The following SYTL4 variants were observed in gnomAD, a reference collection of about 807,000 sequenced individuals.
SYTL4 encodes the protein synaptotagmin like 4.
A neutral mutation model predicts 52.7 loss-of-function variants in SYTL4; 16 were observed. The observed-to-expected ratio is 0.30, with a 90% confidence interval of 0.21 to 0.46. The LOEUF (loss-of-function observed/expected upper bound fraction) is 0.46, where lower values mean the gene tolerates loss of function less well. Among genes scored for constraint, SYTL4 ranks in the 20% least tolerant of loss-of-function variants. The pLI is 1.00. For synonymous variants in SYTL4, 160 were observed against 186.6 expected (o/e 0.86, Z 1.16); for missense variants, 423 against 519.9 (o/e 0.81, Z 1.81).
At chrX:100,703,544 G>C (rs2083898695) in intron 3 of SYTL4, among the ~76,000 whole-genome samples, 2 of 111,677 alleles carry the variant, frequency 1.8e-5, no homozygotes, top group South Asian at 7.5e-4. Flanking sequence ...CAAATCAGAG[G>C]ACAATTTGGT....
intron 17 of SYTL4, among the ~76,000 whole-genome samples, chrX:100,680,152 T>C (rs1787649150): frequency 9.0e-6 from 1 of 111,724 alleles, no homozygotes; most frequent in East Asian, 2.8e-4. Context: ...ATTGGCCATG[T>C]CTTCTCAGAC....
intron 2 of SYTL4, 56 bp from the exon 3 acceptor site, chrX:100,704,942 C>G (rs1254365294): frequency 8.9e-6 from 1 of 112,084 alleles, no homozygotes; most frequent in Admixed American, 9.5e-5. Context: ...GTTCCTGAAA[C>G]CTCAATATTT....
Position 100,678,321 on chromosome X carries a change from C to T in SYTL4, c.1867+70G>A, listed in dbSNP as rs768252250. 1.3e-5 allele frequency: 10 copies of T among 784,401 alleles called. No homozygotes were observed. The East Asian group carries it at 1.3e-4, about 10-fold the overall frequency. The allele number at this position is 784,401 out of a possible 1,213,427, so 64.6% of individuals were successfully genotyped here. A position where few individuals can be genotyped will look rare whatever the true frequency, so the allele number is the denominator to read the frequency against. On this transcript the variant is annotated intron_variant, in intron 19 of 19. Coordinates refer to ENST00000372989, the MANE Select transcript of SYTL4 (RefSeq NM_001370165.1). ...CACAGAGGAGCTTTGTGTTGGGGGG[C>T]GGGAATGGTAATAGGAGTAAAATAG...
At chrX:100,701,090 T>C (rs1164801006) in intron 7 of SYTL4, 91 bp from the exon 8 acceptor site, 1 of 905,567 alleles carries the variant, frequency 1.1e-6, no homozygotes, top group Non-Finnish European at 1.6e-6. Flanking sequence ...AAATACACCA[T>C]GCTTGCAGAA....
intron 2 of SYTL4, among the ~76,000 whole-genome samples, chrX:100,724,345 C>T (rs1424013542): frequency 2.0e-5 from 2 of 101,790 alleles, no homozygotes; most frequent in African/African-American, 7.4e-5. Context: ...CCCCTCTGCC[C>T]GGCCACCACC....
chrX:100,681,157 G>T, intron 17 of SYTL4, 70 bp downstream of exon 17: 2 of 940,825 alleles, frequency 2.1e-6, no homozygotes, highest in Non-Finnish European at 3.1e-6. Context: ...CTAACCAGTA[G>T]CCAGCACCGG....
At chrX:100,706,551 G>C (rs1391860888) in intron 2 of SYTL4, among the ~76,000 whole-genome samples, 1 of 111,971 alleles carries the variant, frequency 8.9e-6, no homozygotes, top group African/African-American at 3.2e-5. Flanking sequence ...AACAAATTAA[G>C]AACAAAAATT....
intron 2 of SYTL4, among the ~76,000 whole-genome samples, chrX:100,723,243 C>T (rs965802755): frequency 2.7e-5 from 3 of 111,872 alleles, no homozygotes; most frequent in African/African-American, 9.7e-5. Context: ...CCTCAGCCTG[C>T]CGAGTGCCTG....
At chrX:100,712,438 TAG>T (rs1196926621) in intron 2 of SYTL4, among the ~76,000 whole-genome samples, 1 of 111,828 alleles carries the variant, frequency 8.9e-6, no homozygotes, top group African/African-American at 3.3e-5. Flanking sequence ...ACGAACAGAA[TAG>T]AGAGTATGGA....
chrX:100,701,433 C>T, intron 6 of SYTL4, 25 bp downstream of exon 6: 10 of 1,201,345 alleles, frequency 8.3e-6, no homozygotes, highest in Non-Finnish European at 7.9e-6. Flanking sequence ...CGCCCCCTCT[C>T]TACTCAGCCA....
chrX:100,731,268 G>A (rs1244385340), intron 2 of SYTL4, 150 bp downstream of exon 2: 9 of 111,425 alleles, frequency 8.1e-5, no homozygotes, highest in African/African-American at 2.9e-4. Flanking sequence ...CTGAGATCTC[G>A]GGGACCCTCC....
intron 17 of SYTL4, among the ~76,000 whole-genome samples, chrX:100,680,442 T>G (rs2083352346): frequency 9.0e-6 from 1 of 110,672 alleles, no homozygotes; most frequent in Non-Finnish European, 1.9e-5. Context: ...TGCCAAGGGA[T>G]CAAGTGAAAC....
At chrX:100,702,173 C>A in intron 4 of SYTL4, 66 bp from the exon 5 acceptor site, 2 of 447,048 alleles carry the variant, frequency 4.5e-6, no homozygotes, top group Admixed American at 8.1e-5. Context: ...CAGCCCTAAA[C>A]CCTTTCAATA....
chrX:100,700,893 T>C lies in SYTL4; in HGVS notation c.539+4A>G, dbSNP rs1322396708. On this transcript the variant is annotated splice_donor_region_variant and intron_variant, in intron 8 of 19. Coordinates refer to ENST00000372989, the MANE Select transcript of SYTL4 (RefSeq NM_001370165.1). ...ATTTCTTTAAACAATTACTTGATTC[T>C]TACCTGGGCTCCTTCTGCCGCTCCT... is the stretch of plus-strand genomic sequence containing the variant. 8.4e-7 allele frequency: 1 copy of C among 1,190,815 alleles called. No homozygotes were observed. The highest frequency in any genetic ancestry group is 1.1e-6 in the Non-Finnish European group (1 of 878,574).
At position 100,679,354 on chromosome X, in the gene SYTL4, C is replaced by T. The variant is rs150924935; in HGVS notation, c.1617G>A (p.Thr539=). ...QVWIKEAKNL[T]AAKAGGTSDS... ...CTGAAGTCCCTCCTGCTTTGGCAGCCGTCAAGTTCTTGGCTTCTTTGATCC... is the reference window on the plus strand; with the variant it reads ...CTGAAGTCCCTCCTGCTTTGGCAGCTGTCAAGTTCTTGGCTTCTTTGATCC... Residue 539 remains threonine, a synonymous_variant, in exon 18 of 20, where the codon ACG becomes ACA. Transcript: ENST00000372989. 2.9e-5 allele frequency: 35 copies of T among 1,209,652 alleles called. No homozygotes were observed. The African/African-American group carries it at 5.1e-4, about 18-fold the overall frequency.
Position 100,708,229 on chromosome X carries a change from A to T in SYTL4, c.-239-3343T>A, listed in dbSNP as rs577915904. Among the ~76,000 whole-genome samples the T allele has an allele frequency of 6.3e-5, 7 of 110,455 alleles. No homozygotes were observed. In the South Asian group the frequency reaches 1.9e-3, roughly 30 times the overall value. ...AACTTAAAGTATAATAAAAAAAATT[A>T]AAAAAAAGAAAAGATGGCTTACTTA... On this transcript the variant is annotated intron_variant, in intron 2 of 19. Coordinates refer to ENST00000372989, the MANE Select transcript of SYTL4 (RefSeq NM_001370165.1).
intron 16 of SYTL4, among the ~76,000 whole-genome samples, chrX:100,682,192 C>G (rs1300394300): frequency 1.8e-5 from 2 of 111,470 alleles, no homozygotes; most frequent in East Asian, 5.6e-4. Context: ...AAACATTATA[C>G]TACACTGCAT....
At chrX:100,679,287 A>T in intron 18 of SYTL4, 26 bp downstream of exon 18, 1 of 1,111,007 alleles carries the variant, frequency 9.0e-7, no homozygotes, top group Non-Finnish European at 1.2e-6. Flanking sequence ...GAAACTGGTT[A>T]ATTTGGGGCT....
chrX:100,681,312 G>A lies in SYTL4; in HGVS notation c.1473C>T (p.Gly491=), dbSNP rs902276477. 5 of 1,208,121 alleles carry A rather than the reference G, an allele frequency of 4.1e-6. No individual in the cohort carries two copies. In the African/African-American group the frequency reaches 8.8e-5, roughly 21 times the overall value. The change falls in exon 17 of 20, where the codon GGC becomes GGT. Residue 491 remains glycine (G), a synonymous_variant. Transcript: ENST00000372989. The stretch of plus-strand genomic sequence containing the variant: ...CCAACTCGCCTTTGTGTGATGGCAA[G>A]CCAGTCGGGGACTCAGCACTGATCT... ...HGKISAESPT[G]LPSHKGELVV...
Sources: gnomAD v4.1 joint callset for allele counts (sites outside exome capture counted in the v4.1 genomes callset) on GRCh38, gnomAD v4.1.1 for gene constraint, MANE v1.5 for transcripts, NCBI Gene and HGNC (gene_info 2026-07-23, HGNC 2026-07-21) for gene names.